TENT5D: variants seen among roughly 807,000 people sequenced by gnomAD.
TENT5D encodes terminal nucleotidyltransferase 5D, also known as cancer/testis antigen 112.
For synonymous variants in TENT5D, 103 were observed against 100.6 expected, an observed-to-expected ratio of 1.02 and a Z score of -0.15; for missense variants, 191 against 287.0, an observed-to-expected ratio of 0.67 and a Z score of 2.42.
chrX:80,442,427 G>A, intron 2 of TENT5D, 95 bp from the exon 3 acceptor site: 1 of 545,908 alleles, frequency 1.8e-6, no homozygotes. Flanking sequence ...CATGGTTTAT[G>A]TTGAGGGTAA....
At chrX:80,430,557 A>G (rs1025337161) in intron 1 of TENT5D, among the ~76,000 whole-genome samples, 3 of 111,715 alleles carry the variant, frequency 2.7e-5, no homozygotes, top group Non-Finnish European at 5.6e-5. Flanking sequence ...TTGCAAGGCA[A>G]AGAAAGCTTG....
chrX:80,400,651 A>T (rs983833999), intron 3 of TENT5D, among the ~76,000 whole-genome samples: 3 of 112,060 alleles, frequency 2.7e-5, no homozygotes, highest in Non-Finnish European at 3.8e-5. Context: ...AGCATTCAGG[A>T]TTATAATCTT....
chrX:80,410,445 A>G (rs1216130152), intron 3 of TENT5D, among the ~76,000 whole-genome samples: 1 of 83,882 alleles, frequency 1.2e-5, no homozygotes, highest in African/African-American at 4.4e-5. Context: ...ACATGAACAG[A>G]CACTTCTCAA....
chrX:80,417,356 T>G (rs1931797211), upstream of TENT5D, among the ~76,000 whole-genome samples: 2 of 111,384 alleles, frequency 1.8e-5, no homozygotes, highest in African/African-American at 6.5e-5. Flanking sequence ...TATAAGCTAT[T>G]CATTATGCAG....
intron 3 of TENT5D, among the ~76,000 whole-genome samples, chrX:80,350,423 T>TA (rs1930153493): frequency 9.0e-6 from 1 of 111,303 alleles, no homozygotes; most frequent in South Asian, 3.7e-4. Flanking sequence ...GTCTTTTTTT[T>TA]ATCTTTGTTG....
upstream of TENT5D, among the ~76,000 whole-genome samples, chrX:80,418,345 T>A (rs1931818101): frequency 9.1e-6 from 1 of 110,420 alleles, no homozygotes; most frequent in Non-Finnish European, 1.9e-5. Context: ...AAAGACAGGG[T>A]CTCATTATGT....
At chrX:80,419,241 A>G, upstream of TENT5D, among the ~76,000 whole-genome samples, 1 of 112,018 alleles carries the variant, frequency 8.9e-6, no homozygotes, top group East Asian at 2.8e-4. Flanking sequence ...TGTAATTTTC[A>G]TATCTTTAAG....
At chrX:80,374,623 A>G (rs1426509067) in intron 3 of TENT5D, among the ~76,000 whole-genome samples, 1 of 111,132 alleles carries the variant, frequency 9.0e-6, no homozygotes, top group African/African-American at 3.3e-5. Flanking sequence ...TTGCCATGCA[A>G]AAGTTTAATT....
intron 3 of TENT5D, among the ~76,000 whole-genome samples, chrX:80,404,768 C>G (rs770537182): frequency 1.3e-4 from 15 of 111,981 alleles, no homozygotes; most frequent in Non-Finnish European, 1.5e-4. Context: ...TTTTTAGATG[C>G]AGGAGTCAAA....
At chrX:80,360,494 A>G (rs778726370) in intron 3 of TENT5D, among the ~76,000 whole-genome samples, 1 of 112,564 alleles carries the variant, frequency 8.9e-6, no homozygotes, top group Admixed American at 9.4e-5. Flanking sequence ...AATGTTATTT[A>G]AGTCAGAATT....
chrX:80,375,560 G>T (rs770572633), intron 3 of TENT5D, among the ~76,000 whole-genome samples: 1 of 111,136 alleles, frequency 9.0e-6, no homozygotes, highest in African/African-American at 3.3e-5. Flanking sequence ...ATTTGTCCAT[G>T]TATATTTTCA....
At chrX:80,379,045 A>G (rs900851842) in intron 3 of TENT5D, among the ~76,000 whole-genome samples, 4 of 105,637 alleles carry the variant, frequency 3.8e-5, no homozygotes, top group African/African-American at 1.4e-4. Flanking sequence ...CGTTCCATCA[A>G]TACTTAGTTT....
chrX:80,397,677 G>A (rs1018272719), intron 3 of TENT5D, among the ~76,000 whole-genome samples: 14 of 112,252 alleles, frequency 1.2e-4, no homozygotes, highest in Admixed American at 1.9e-4. Context: ...CTGCAATCCC[G>A]GCACCTCGGG....
intron 3 of TENT5D, among the ~76,000 whole-genome samples, chrX:80,343,244 G>T (rs1929994623): frequency 9.0e-6 from 1 of 111,380 alleles, no homozygotes; most frequent in South Asian, 3.7e-4. Context: ...TACAAATTTG[G>T]TATTGAACAT....
At chrX:80,392,910 A>G (rs1259016191) in intron 3 of TENT5D, among the ~76,000 whole-genome samples, 1 of 111,566 alleles carries the variant, frequency 9.0e-6, no homozygotes, top group African/African-American at 3.3e-5. Context: ...TTACATGATA[A>G]AAACTCTTAT....
exon 3 of TENT5D, chrX:80,443,733 A>G (rs1932335424): frequency 1.6e-5 from 18 of 1,092,029 alleles, no homozygotes; most frequent in Non-Finnish European, 2.2e-5. Context: ...AACCATAGAA[A>G]CTTTGATTTA....
intron 3 of TENT5D, among the ~76,000 whole-genome samples, chrX:80,390,201 A>G (rs766031850): frequency 8.9e-6 from 1 of 111,819 alleles, no homozygotes; most frequent in African/African-American, 3.2e-5. Context: ...AGTAGGAAAC[A>G]AAGTGCTCAG....
rs1931643974 is a variant in TENT5D, at chrX:80,410,805, T to G, written c.-141-27805T>G. 2.7e-5 allele frequency among the ~76,000 whole-genome samples: 3 copies of G among 109,220 alleles called. No individual in the cohort carries two copies. The South Asian group carries it at 1.2e-3, about 44-fold the overall frequency. The allele number at this position is 109,220 out of a possible 115,157, so 94.8% of individuals were successfully genotyped here. On this transcript the variant is annotated intron_variant, in intron 3 of 4. Coordinates refer to the TENT5D transcript ENST00000538312. ...AAGACACATGCACACGTATGTTTAT[T>G]GTGGCATTATTCACAATAGCAAAGA...
At chrX:80,383,082 G>A (rs974222938) in intron 3 of TENT5D, among the ~76,000 whole-genome samples, 4 of 112,164 alleles carry the variant, frequency 3.6e-5, no homozygotes, top group Admixed American at 1.9e-4. Flanking sequence ...CATCGATCAC[G>A]CTGGGAGCTA....
Sources: allele counts gnomAD v4.1 joint callset (sites outside exome capture counted in the v4.1 genomes callset), GRCh38; gene constraint gnomAD v4.1.1; transcripts MANE v1.5; gene names NCBI Gene and HGNC (gene_info 2026-07-23, HGNC 2026-07-21).